NPL: variants seen among roughly 807,000 people sequenced by gnomAD.
The protein encoded by NPL is N-acetylneuraminate lyase.
In NPL, 32 loss-of-function variants were observed where a neutral mutation model predicts 41.1. The ratio of observed to expected loss-of-function variants is 0.78; its 90% CI spans 0.59 to 1.05. The LOEUF (loss-of-function observed/expected upper bound fraction) is 1.05. NPL is among the 50% of genes least tolerant of loss of function. NPL has a pLI of 0.00. For synonymous variants in NPL, 128 were observed against 134.9 expected, an observed-to-expected ratio of 0.95 and a Z score of 0.35; for missense variants, 321 against 378.4, an observed-to-expected ratio of 0.85 and a Z score of 1.26.
At chr1:182,811,699 A>G (rs1213518129) in intron 5 of NPL, among the ~76,000 whole-genome samples, 2 of 152,198 alleles carry the variant, frequency 1.3e-5, no homozygotes, top group Non-Finnish European at 2.9e-5. Flanking sequence ...CCATTTCTGT[A>G]CACATTTAAC....
Position 182,828,573 on chromosome 1 carries a change from A to G in NPL, c.779-151A>G. On this transcript the variant is annotated intron_variant, in intron 12 of 12. Coordinates refer to ENST00000367553, the MANE Select transcript of NPL (RefSeq NM_030769.3). The surrounding 1 kb of genome is among the most constrained non-coding windows in gnomAD (Gnocchi z 4.0). ...GAAGAGGGATTTCGAATGATTGCTC[A>G]TCTGTCATATTGACTAGAAATGTTC... 2 of 960,170 alleles carry G rather than the reference A, an allele frequency of 2.1e-6. No homozygotes were observed. The highest frequency in any genetic ancestry group is 3.2e-6 in the Non-Finnish European group (2 of 630,012). The allele number at this position is 960,170 out of a possible 1,614,324, so 59.5% of individuals were successfully genotyped here. A position where few individuals can be genotyped will look rare whatever the true frequency, so the allele number is the denominator to read the frequency against.
chr1:182,790,090 G>C (rs1666456339), intron 1 of NPL, among the ~76,000 whole-genome samples: 1 of 152,200 alleles, frequency 6.6e-6, no homozygotes, highest in Non-Finnish European at 1.5e-5. Flanking sequence ...AATAGAGTTA[G>C]CAATTGAGCA....
chr1:182,794,274 A>G, intron 2 of NPL, 82 bp from the exon 3 acceptor site: 2 of 1,205,320 alleles, frequency 1.7e-6, no homozygotes, highest in Non-Finnish European at 1.2e-6. Flanking sequence ...TTACAGTTCT[A>G]AACTAGAAAT....
rs1667691251 is a variant in NPL, at chr1:182,828,645, A to G, written c.779-79A>G. On this transcript the variant is annotated intron_variant, in intron 12 of 12. Coordinates refer to ENST00000367553, the MANE Select transcript of NPL (RefSeq NM_030769.3). The surrounding 1 kb of genome is among the most constrained non-coding windows in gnomAD (Gnocchi z 4.0). ...CCCTGTTGTAGTAGTTGCTGTTAGC[A>G]TATGATCTCCTTCTTTGGGATTTTT... is the stretch of plus-strand genomic sequence containing the variant. The G allele has an allele frequency of 6.3e-7, 1 of 1,588,360 alleles. No homozygotes were observed. The highest frequency in any genetic ancestry group is 8.6e-7 in the Non-Finnish European group (1 of 1,160,874).
intron 10 of NPL, among the ~76,000 whole-genome samples, chr1:182,820,131 G>A (rs967949443): frequency 8.5e-5 from 13 of 152,174 alleles, no homozygotes; most frequent in South Asian, 6.2e-4. Flanking sequence ...GTGGCATCTC[G>A]GGACATCATT....
intron 1 of NPL, among the ~76,000 whole-genome samples, chr1:182,790,744 C>T (rs1395436701): frequency 6.6e-6 from 1 of 152,044 alleles, no homozygotes; most frequent in African/African-American, 2.4e-5. Context: ...CCCAGGTTCA[C>T]GCCATTCTCC....
At chr1:182,797,787 T>G (rs1424877240) in intron 3 of NPL, among the ~76,000 whole-genome samples, 2 of 151,904 alleles carry the variant, frequency 1.3e-5, no homozygotes, top group Non-Finnish European at 1.5e-5. Flanking sequence ...CAATAACTTT[T>G]TGTTACTTGT....
chr1:182,823,778 C>T (rs1667553555), intron 11 of NPL, among the ~76,000 whole-genome samples: 1 of 152,174 alleles, frequency 6.6e-6, no homozygotes, highest in Non-Finnish European at 1.5e-5. Flanking sequence ...ATCTAGTCTC[C>T]ATCTTTTTTC....
chr1:182,806,407 C>G, intron 5 of NPL, 175 bp downstream of exon 5: 1 of 1,540,840 alleles, frequency 6.5e-7, no homozygotes, highest in Non-Finnish European at 8.7e-7. Context: ...AGCCCCCTCC[C>G]TTTCTGTGCA....
chr1:182,822,523 C>G (rs1287965788), intron 11 of NPL, among the ~76,000 whole-genome samples: 3 of 152,194 alleles, frequency 2.0e-5, no homozygotes, highest in Non-Finnish European at 2.9e-5. Context: ...TGACCACAGG[C>G]TGTCCCCTTG....
intron 6 of NPL, among the ~76,000 whole-genome samples, chr1:182,813,736 T>C (rs1425267494): frequency 6.6e-6 from 1 of 152,234 alleles, no homozygotes; most frequent in Non-Finnish European, 1.5e-5. Context: ...AACATCGGTA[T>C]CTGCTTAGCC....
At chr1:182,824,701 G>A (rs1301491509) in intron 11 of NPL, among the ~76,000 whole-genome samples, 1 of 152,130 alleles carries the variant, frequency 6.6e-6, no homozygotes, top group Admixed American at 6.5e-5. Context: ...GGAGGGTGAG[G>A]CAGGAGAATG....
At chr1:182,817,280 A>G (rs1420052838) in intron 8 of NPL, among the ~76,000 whole-genome samples, 1 of 152,200 alleles carries the variant, frequency 6.6e-6, no homozygotes. Flanking sequence ...TTCTTAGATT[A>G]TTTTTAAAAT....
In NPL at chr1:182,792,220, C is replaced by T. The variant is rs1440610262; in HGVS notation, c.-71-12C>T. The T allele has an allele frequency of 6.6e-6, 1 of 152,172 alleles. No individual in the cohort carries two copies. Among genetic ancestry groups the T allele is most frequent in the African/African-American group, 2.4e-5 (1 of 41,430 alleles). The allele number at this position is 152,172 out of a possible 1,614,324, so 9.4% of individuals were successfully genotyped here. On this transcript the variant is annotated splice_polypyrimidine_tract_variant and intron_variant, in intron 1 of 12. Transcript: ENST00000367553. The stretch of plus-strand genomic sequence containing the variant: ...CCCTATGAAATATAATTACTATTAT[C>T]CTCATTTACAGAAGGGGAAACTGAA...
chr1:182,814,929 A>G, intron 7 of NPL, 71 bp downstream of exon 7: 1 of 1,257,920 alleles, frequency 7.9e-7, no homozygotes. Context: ...CAAAATGGTT[A>G]TATTTAATTT....
intron 3 of NPL, among the ~76,000 whole-genome samples, chr1:182,795,413 AG>A (rs1666633343): frequency 6.6e-6 from 1 of 152,206 alleles, no homozygotes; most frequent in Admixed American, 6.5e-5. Flanking sequence ...CATAAGGCAG[AG>A]GCAAAAGGAA....
At chr1:182,795,961 C>T (rs1171461405) in intron 3 of NPL, 1 of 152,122 alleles carries the variant, frequency 6.6e-6, no homozygotes, top group Non-Finnish European at 1.5e-5. Flanking sequence ...TCATCAGGGA[C>T]CCACGGACAA....
intron 3 of NPL, among the ~76,000 whole-genome samples, chr1:182,799,936 G>A (rs559812423): frequency 3.3e-4 from 51 of 152,252 alleles, no homozygotes; most frequent in East Asian, 1.7e-3. Flanking sequence ...AAGAAGAGAA[G>A]GTGCTGTGCA....
At chr1:182,808,868 A>G (rs957570493) in intron 5 of NPL, among the ~76,000 whole-genome samples, 1 of 151,148 alleles carries the variant, frequency 6.6e-6, no homozygotes, top group Non-Finnish European at 1.5e-5. Flanking sequence ...CTGAGGCAGG[A>G]GGATCACTTG....
Sources: gnomAD v4.1 joint callset for allele counts (sites outside exome capture counted in the v4.1 genomes callset) on GRCh38, gnomAD v4.1.1 for gene constraint, Gnocchi (gnomAD v3.1) non-coding constraint, MANE v1.5 for transcripts, NCBI Gene and HGNC (gene_info 2026-07-23, HGNC 2026-07-21) for gene names.